The following NEDD4L variants were observed in gnomAD, a reference collection of about 807,000 sequenced individuals.
The protein encoded by NEDD4L is E3 ubiquitin-protein ligase NEDD4-like.
NEDD4L carries 54 observed loss-of-function variants against 148.9 expected under a neutral mutation model. The ratio of observed to expected loss-of-function variants is 0.36; its 90% confidence interval spans 0.29 to 0.45. The LOEUF is 0.45. NEDD4L is among the 20% of genes least tolerant of loss of function. The pLI is 1.00. For synonymous variants in NEDD4L, 433 were observed against 440.7 expected (o/e 0.98, Z 0.22); for missense variants, 856 against 1,233.8 (o/e 0.69, Z 4.59).
At chr18:58,337,911 G>A (rs2041972017) in intron 13 of NEDD4L, among the ~76,000 whole-genome samples, 3 of 152,208 alleles carry the variant, frequency 2.0e-5, no homozygotes, top group East Asian at 1.9e-4. Flanking sequence ...CTTTCTGGCA[G>A]ACTAAGCCAG....
At chr18:58,052,337 T>G (rs1300062806) in intron 1 of NEDD4L, among the ~76,000 whole-genome samples, 1 of 152,152 alleles carries the variant, frequency 6.6e-6, no homozygotes, top group African/African-American at 2.4e-5. Flanking sequence ...CTCACTATGA[T>G]TGTAATATTT....
chr18:58,210,727 G>A (rs1437618008), intron 2 of NEDD4L, among the ~76,000 whole-genome samples: 1 of 152,016 alleles, frequency 6.6e-6, no homozygotes, highest in African/African-American at 2.4e-5. Context: ...AACATGGAAA[G>A]GTTCCCAGTT....
intron 1 of NEDD4L, among the ~76,000 whole-genome samples, chr18:58,141,653 T>A (rs1185024997): frequency 6.6e-6 from 1 of 152,224 alleles, no homozygotes; most frequent in African/African-American, 2.4e-5. Flanking sequence ...TTCCCTCTAG[T>A]GTCATGAATA....
At chr18:58,124,180 G>A (rs530534321) in intron 1 of NEDD4L, among the ~76,000 whole-genome samples, 184 of 152,240 alleles carry the variant, frequency 1.2e-3, no homozygotes, top group Non-Finnish European at 2.1e-3. Context: ...GTGACAAGCT[G>A]TCCCTTCTGA....
intron 1 of NEDD4L, among the ~76,000 whole-genome samples, chr18:58,077,781 C>T (rs1474028309): frequency 1.3e-5 from 2 of 152,146 alleles, no homozygotes; most frequent in Non-Finnish European, 2.9e-5. Context: ...CCATAGAGCT[C>T]CATTTTTGGT....
At chr18:58,327,879 A>G (rs2059440955) in intron 9 of NEDD4L, among the ~76,000 whole-genome samples, 1 of 152,142 alleles carries the variant, frequency 6.6e-6, no homozygotes, top group African/African-American at 2.4e-5. Flanking sequence ...CTTGTACACT[A>G]AAAGCCTCTG....
intron 1 of NEDD4L, among the ~76,000 whole-genome samples, chr18:58,071,499 A>G (rs1276482976): frequency 6.6e-6 from 1 of 152,260 alleles, no homozygotes; most frequent in Non-Finnish European, 1.5e-5. Context: ...GTCATTTGAG[A>G]TAGTTCAGTC....
At chr18:58,208,902 TG>T (rs1471594991) in intron 2 of NEDD4L, among the ~76,000 whole-genome samples, 1 of 152,142 alleles carries the variant, frequency 6.6e-6, no homozygotes, top group Non-Finnish European at 1.5e-5. Flanking sequence ...TTCGAGATCC[TG>T]GGGTGCCTTC....
chr18:58,224,612 G>T (rs2044149282), intron 2 of NEDD4L, among the ~76,000 whole-genome samples: 1 of 152,342 alleles, frequency 6.6e-6, no homozygotes. Context: ...GCACCGTCCT[G>T]TGTGGTATTA....
intron 1 of NEDD4L, among the ~76,000 whole-genome samples, chr18:58,120,955 G>A (rs1433208339): frequency 6.6e-6 from 1 of 151,190 alleles, no homozygotes; most frequent in African/African-American, 2.4e-5. Context: ...TTGAAGATAT[G>A]GACTTAGGTA....
At chr18:58,103,868 A>G (rs1262125923) in intron 1 of NEDD4L, among the ~76,000 whole-genome samples, 1 of 152,260 alleles carries the variant, frequency 6.6e-6, no homozygotes, top group African/African-American at 2.4e-5. Context: ...TGTGAAGAAA[A>G]GAATAAAGCT....
At chr18:58,211,501 T>C (rs2042598032) in intron 2 of NEDD4L, among the ~76,000 whole-genome samples, 1 of 152,252 alleles carries the variant, frequency 6.6e-6, no homozygotes, top group African/African-American at 2.4e-5. Flanking sequence ...ATGTGAAATA[T>C]AATCTAGAGA....
intron 2 of NEDD4L, among the ~76,000 whole-genome samples, chr18:58,197,249 C>G (rs78475427): frequency 0.023 from 3,497 of 152,280 alleles, 152 homozygotes; most frequent in East Asian, 0.16. Flanking sequence ...ATTGGCAAGA[C>G]AAACGCCATA....
intron 18 of NEDD4L, among the ~76,000 whole-genome samples, chr18:58,352,395 C>T (rs955307749): frequency 2.6e-5 from 4 of 152,082 alleles, no homozygotes; most frequent in African/African-American, 9.7e-5. Flanking sequence ...TGGCTCACAC[C>T]TGTAATCCCA....
intron 5 of NEDD4L, among the ~76,000 whole-genome samples, chr18:58,287,783 T>G (rs1335997841): frequency 6.6e-6 from 1 of 152,162 alleles, no homozygotes; most frequent in African/African-American, 2.4e-5. Flanking sequence ...CTTTTGTGAG[T>G]TGCACGTGTG....
In NEDD4L at chr18:58,090,312, T is replaced by C. The variant is rs34431035; in HGVS notation, c.48+45604T>C. 7.4e-3 allele frequency among the ~76,000 whole-genome samples: 1,127 copies of C among 152,354 alleles called. 8 individuals are homozygous for C. The highest frequency in any genetic ancestry group is 0.014 in the Middle Eastern group (4 of 294). On this transcript the variant is annotated intron_variant, in intron 1 of 30. Transcript: ENST00000400345. The stretch of plus-strand genomic sequence containing the variant: ...GTTTTACTATAAGTGTAAATTAACA[T>C]GTGCCTTTGGGGGACCTTAAAAGTT...
chr18:58,074,434 ATTTTTTTTTTTT>A (rs544878321), intron 1 of NEDD4L, among the ~76,000 whole-genome samples: 1 of 111,764 alleles, frequency 8.9e-6, no homozygotes, highest in African/African-American at 3.2e-5. Context: ...AATTTTTTGT[ATTTTTTTTTTTT>A]TTTTTTTTAA....
At chr18:58,234,122 C>CTTTTTTCTTTTCCT (rs200704630) in intron 2 of NEDD4L, among the ~76,000 whole-genome samples, 10 of 114,318 alleles carry the variant, frequency 8.7e-5, no homozygotes, top group African/African-American at 3.3e-4. Flanking sequence ...TTTTCTTTTC[C>CTTTTTTCTTTTCCT]TTCTTTTTTT....
intron 1 of NEDD4L, among the ~76,000 whole-genome samples, chr18:58,151,003 C>A (rs969122748): frequency 6.6e-6 from 1 of 152,212 alleles, no homozygotes; most frequent in Non-Finnish European, 1.5e-5. Context: ...CTCAACCAGG[C>A]AGAGATTGGG....
Sources: gnomAD v4.1 joint callset for allele counts (sites outside exome capture counted in the v4.1 genomes callset) on GRCh38, gnomAD v4.1.1 for gene constraint, MANE v1.5 for transcripts, NCBI Gene and HGNC (gene_info 2026-07-23, HGNC 2026-07-21) for gene names.